ZNF436: variants seen among roughly 807,000 people sequenced by gnomAD.
The protein encoded by ZNF436 is DNA-binding protein.
Under a neutral mutation model 41.9 loss-of-function variants are expected in ZNF436, and 22 were observed. The observed-to-expected ratio is 0.53, with a 90% CI of 0.38 to 0.75. ZNF436 has a LOEUF of 0.75. Ranked by LOEUF, ZNF436 falls within the 30% of genes least tolerant of loss-of-function variation. ZNF436 has a pLI of 0.00. For synonymous variants in ZNF436, 217 were observed against 197.8 expected (o/e 1.10, Z -0.82); for missense variants, 506 against 587.3 (o/e 0.86, Z 1.43).
chr1:23,363,903 G>T (rs1423133345), intron 3 of ZNF436, among the ~76,000 whole-genome samples: 1 of 152,126 alleles, frequency 6.6e-6, no homozygotes, highest in Non-Finnish European at 1.5e-5. Flanking sequence ...TTAGGTGGAT[G>T]TGGTGGCATG....
Position 23,362,350 on chromosome 1 carries a change from G to C in ZNF436, c.1032C>G (p.Ser344Arg). The C allele has an allele frequency of 3.1e-6, 5 of 1,613,706 alleles. No individual in the cohort carries two copies. The highest frequency in any genetic ancestry group is 4.2e-6 in the Non-Finnish European group (5 of 1,179,922). Residue 344 changes from serine to arginine, a missense_variant, in exon 4 of 4, where the codon AGC (serine) becomes AGG (arginine). By Grantham distance (110) the Ser-to-Arg change is moderately radical (BLOSUM62 -1). Around this residue, in one of 2 missense-constraint regions of ZNF436, gnomAD observed 278 missense variants for 372.1 expected, o/e 0.75. Transcript: ENST00000314011. ...YHCNECGENF[S>R]RISHLVQHQR... ...GGTGCTGAACCAAGTGTGAGATGCGGCTGAAATTTTCCCCACATTCGTTAC... is the reference window on the plus strand; with the variant it reads ...GGTGCTGAACCAAGTGTGAGATGCGCCTGAAATTTTCCCCACATTCGTTAC...
intron 3 of ZNF436, 131 bp downstream of exon 3, chr1:23,366,911 G>C: frequency 9.9e-7 from 1 of 1,014,246 alleles, no homozygotes; most frequent in South Asian, 1.7e-5. Context: ...ATCTGCCTGA[G>C]GACTCAAGTC....
chr1:23,362,843 T>C lies in ZNF436; in HGVS notation c.539A>G (p.His180Arg). The change falls in exon 4 of 4, where the codon CAC becomes CGC. Residue 180 changes from histidine to arginine, a missense_variant. By Grantham distance (29) the His-to-Arg change is conservative. Coordinates refer to ENST00000314011, the MANE Select transcript of ZNF436 (RefSeq NM_001077195.2). The part of the protein sequence containing the change: ...ECGKGFSRSS[H>R]LIQHQRTHTG... ...ATGTGTTCTTTGATGCTGAATAAGGTGTGAGCTGCGACTGAAGCCTTTTCC... is the reference window on the plus strand; with the variant it reads ...ATGTGTTCTTTGATGCTGAATAAGGCGTGAGCTGCGACTGAAGCCTTTTCC... The C allele has an allele frequency of 6.2e-7, 1 of 1,614,218 alleles. No individual in the cohort carries two copies. Among genetic ancestry groups the C allele is most frequent in the African/African-American group, 1.3e-5 (1 of 75,052 alleles).
At chr1:23,367,923 G>A (rs769632026) in intron 2 of ZNF436, 50 bp downstream of exon 2, 78 of 1,606,530 alleles carry the variant, frequency 4.9e-5, no homozygotes, top group Non-Finnish European at 6.6e-5. Flanking sequence ...AGAAACGCCG[G>A]ACGAGGTGGG....
rs981595789 is a variant in ZNF436 at position 23,369,661 on chromosome 1, G to A, written c.-356C>T. ...CCCTGAGACCACAGAGGCTGGCCGA[G>A]AAACCACCAGCAACTAAGCTGCATT... On this transcript the variant is annotated 5_prime_UTR_variant, in exon 1 of 4. Coordinates refer to ENST00000314011, the MANE Select transcript of ZNF436 (RefSeq NM_001077195.2). The A allele has an allele frequency of 1.9e-5, 9 of 476,508 alleles. No individual in the cohort carries two copies. The highest frequency in any genetic ancestry group is 3.1e-5 in the Non-Finnish European group (7 of 225,524). The allele number at this position is 476,508 out of a possible 1,614,324, so 29.5% of individuals were successfully genotyped here.
chr1:23,368,606 G>T (rs983654007), intron 1 of ZNF436, among the ~76,000 whole-genome samples: 4 of 152,232 alleles, frequency 2.6e-5, no homozygotes, highest in African/African-American at 9.6e-5. Flanking sequence ...AAGTAAGCGC[G>T]TCCTCCCAGT....
Position 23,362,348 on chromosome 1 carries a change from C to T in ZNF436, c.1034G>A (p.Arg345His), listed in dbSNP as rs1465850925. ...HCNECGENFS[R>H]ISHLVQHQRT... ...CTGGTGCTGAACCAAGTGTGAGATGCGGCTGAAATTTTCCCCACATTCGTT... is the reference window on the plus strand; with the variant it reads ...CTGGTGCTGAACCAAGTGTGAGATGTGGCTGAAATTTTCCCCACATTCGTT... The change falls in exon 4 of 4, where the codon CGC becomes CAC. Residue 345 changes from arginine (R) to histidine (H), a missense_variant. Coordinates refer to ENST00000314011, the MANE Select transcript of ZNF436 (RefSeq NM_001077195.2). 9 of 1,613,820 alleles carry T rather than the reference C, an allele frequency of 5.6e-6. No individual in the cohort carries two copies. The highest frequency in any genetic ancestry group is 1.6e-4 in the Middle Eastern group (1 of 6,062).
chr1:23,362,378 T>C lies in ZNF436; in HGVS notation c.1004A>G (p.His335Arg), dbSNP rs767143058. 2.7e-5 allele frequency: 44 copies of C among 1,613,906 alleles called. No individual in the cohort carries two copies. Among genetic ancestry groups the C allele is most frequent in the Non-Finnish European group, 3.6e-5 (43 of 1,180,024 alleles). Reference protein sequence around the residue: ...RRAHTGEKPYHCNECGENFSR... With the variant: ...RRAHTGEKPYRCNECGENFSR... ...GAAATTTTCCCCACATTCGTTACAGTGGTATGGCTTCTCTCCCGTGTGGGC... is the reference window on the plus strand; with the variant it reads ...GAAATTTTCCCCACATTCGTTACAGCGGTATGGCTTCTCTCCCGTGTGGGC... The change falls in exon 4 of 4, where the codon CAC becomes CGC. Residue 335 changes from histidine to arginine, a missense_variant. His to Arg is a conservative substitution (Grantham distance 29). This residue lies in a region of ZNF436 where 278 missense variants were observed against 372.1 expected (regional missense o/e 0.75). Transcript: ENST00000314011.
At chr1:23,368,765 T>C (rs1346570477) in intron 1 of ZNF436, among the ~76,000 whole-genome samples, 1 of 152,176 alleles carries the variant, frequency 6.6e-6, no homozygotes. Context: ...CTGGCCTGTG[T>C]TGAGCTGAGC....
rs1646988616 is a variant in ZNF436 at position 23,360,650 on chromosome 1, T to C, written c.*1319A>G. 6.6e-6 allele frequency: 1 copy of C among 152,626 alleles called. No homozygotes were observed. The highest frequency in any genetic ancestry group is 2.4e-5 in the African/African-American group (1 of 41,458). 9.5% of individuals were successfully genotyped at this position (152,626 alleles called of 1,614,324 possible). A position where few individuals can be genotyped will look rare whatever the true frequency, so the allele number is the denominator to read the frequency against. On this transcript the variant is annotated 3_prime_UTR_variant, in exon 4 of 4. Transcript: ENST00000314011. ...CCTTCTGACTAAGCCAAAGAGTTCT[T>C]CATTACCATAGAAGATAATTCATTC...
intron 3 of ZNF436, 72 bp from the exon 4 acceptor site, chr1:23,363,293 A>ATTTT: frequency 3.6e-6 from 4 of 1,097,332 alleles, no homozygotes; most frequent in Non-Finnish European, 5.0e-6. Context: ...ACTATACTAA[A>ATTTT]TTTTTTTTTT....
rs1646979635 is a variant in ZNF436, at chr1:23,359,490, A to G, written c.*2479T>C. On this transcript the variant is annotated 3_prime_UTR_variant, in exon 4 of 4. Coordinates refer to ENST00000314011, the MANE Select transcript of ZNF436 (RefSeq NM_001077195.2). Reference sequence around the variant, plus strand: ...TTTTTAATTATAGAATATTGTTAGAATAATACAAACACTAGGATAACTGTG... The same window carrying G: ...TTTTTAATTATAGAATATTGTTAGAGTAATACAAACACTAGGATAACTGTG... 6.6e-6 allele frequency: 1 copy of G among 152,234 alleles called. No individual in the cohort carries two copies. The highest frequency in any genetic ancestry group is 2.4e-5 in the African/African-American group (1 of 41,470). 9.4% of individuals were successfully genotyped at this position (152,234 alleles called of 1,614,324 possible).
chr1:23,362,759 T>C lies in ZNF436; in HGVS notation c.623A>G (p.His208Arg). The C allele has an allele frequency of 1.2e-6, 2 of 1,614,204 alleles. No individual in the cohort carries two copies. Among genetic ancestry groups the C allele is most frequent in the Non-Finnish European group, 1.7e-6 (2 of 1,180,038 alleles). Residue 208 changes from histidine (H) to arginine (R), a missense_variant, in exon 4 of 4, where the codon CAC (histidine) becomes CGC (arginine). Physicochemically the swap from His to Arg is conservative, Grantham distance 29. Around this residue, in one of 2 missense-constraint regions of ZNF436, gnomAD observed 278 missense variants for 372.1 expected, o/e 0.75. Coordinates refer to ENST00000314011, the MANE Select transcript of ZNF436 (RefSeq NM_001077195.2). ...ECGKSFGRSSHLIQHQTIHTG... is the reference protein window; with the variant it reads ...ECGKSFGRSSRLIQHQTIHTG... ...GTGGATTGTCTGATGCTGAATCAGG[T>C]GAGAACTTCTTCCAAAACTTTTCCC...
intron 2 of ZNF436, among the ~76,000 whole-genome samples, chr1:23,367,434 G>A (rs1195066799): frequency 6.6e-6 from 1 of 152,098 alleles, no homozygotes. Context: ...CACTTGCATC[G>A]CTCCATACCT....
In ZNF436 at chr1:23,368,020, T is replaced by A. The variant is rs765539097; in HGVS notation, c.-15A>T. The A allele has an allele frequency of 1.9e-6, 3 of 1,613,082 alleles. No individual in the cohort carries two copies. The highest frequency in any genetic ancestry group is 4.5e-5 in the East Asian group (2 of 44,786). On this transcript the variant is annotated 5_prime_UTR_variant, in exon 2 of 4. Transcript: ENST00000314011. ...GTGGCTGCCATCTCGAGCACAAGGG[T>A]TCGCCTCCAGGGAGAGAGAGCAGGA...
intron 1 of ZNF436, chr1:23,368,455 C>T (rs1638415625): frequency 1.2e-5 from 2 of 168,282 alleles, no homozygotes; most frequent in Admixed American, 1.2e-4. Context: ...AACACTATGC[C>T]CGCCTCCCAC....
intron 3 of ZNF436, 78 bp downstream of exon 3, chr1:23,366,964 G>A: frequency 2.0e-6 from 3 of 1,523,306 alleles, no homozygotes; most frequent in African/African-American, 2.8e-5. Context: ...CAAACCACTA[G>A]GCTGTGTTGA....
chr1:23,369,178 C>A, intron 1 of ZNF436, 188 bp downstream of exon 1: 2 of 385,524 alleles, frequency 5.2e-6, no homozygotes, highest in Non-Finnish European at 5.4e-6. Flanking sequence ...CAGGCCCCTG[C>A]GGGGGGGGCG....
At chr1:23,368,118 T>G in intron 1 of ZNF436, 53 bp from the exon 2 acceptor site, 2 of 1,226,574 alleles carry the variant, frequency 1.6e-6, no homozygotes, top group Non-Finnish European at 2.3e-6. Context: ...CCCTGCCCAC[T>G]CCCCAGGGCT....
Sources: gnomAD v4.1 joint callset for allele counts (sites outside exome capture counted in the v4.1 genomes callset) on GRCh38, gnomAD v4.1.1 for gene constraint, gnomAD v4.1.1 regional missense constraint, MANE v1.5 for transcripts, NCBI Gene and HGNC (gene_info 2026-07-23, HGNC 2026-07-21) for gene names.